The following PGC variants were observed in gnomAD, a reference collection of about 807,000 sequenced individuals.
The protein encoded by PGC is gastricsin.
A neutral mutation model predicts 45.9 loss-of-function variants in PGC; 31 were observed. The ratio of observed to expected loss-of-function variants is 0.67; its 90% CI spans 0.51 to 0.91. The LOEUF (loss-of-function observed/expected upper bound fraction) is 0.91. Ranked by LOEUF, PGC falls within the 40% of genes least tolerant of loss-of-function variation. PGC has a pLI of 0.00. For missense variants in PGC, 477 were observed against 493.2 expected, an observed-to-expected ratio of 0.97 and a Z score of 0.31; for synonymous variants, 192 against 201.8, an observed-to-expected ratio of 0.95 and a Z score of 0.41.
intron 4 of PGC, 73 bp downstream of exon 4, chr6:41,743,198 A>T: frequency 1.1e-6 from 1 of 903,832 alleles, no homozygotes; most frequent in Non-Finnish European, 1.9e-6. Context: ...ACCGTGTTTC[A>T]GGAGAGTCCA....
intron 7 of PGC, among the ~76,000 whole-genome samples, chr6:41,739,359 C>A (rs1233206130): frequency 1.3e-5 from 2 of 152,192 alleles, no homozygotes; most frequent in Non-Finnish European, 2.9e-5. Flanking sequence ...CAGCCCCAGT[C>A]GTCCCAGGTC....
In PGC at chr6:41,744,983, CTG is replaced by C. The variant is rs1491020596; in HGVS notation, c.60-177_60-176del. Among the ~76,000 whole-genome samples the C allele has an allele frequency of 3.9e-4, 33 of 83,680 alleles. No individual in the cohort carries two copies. The highest frequency in any genetic ancestry group is 1.4e-3 in the African/African-American group (28 of 20,118). The allele number at this position is 83,680 out of a possible 152,430, so 54.9% of individuals were successfully genotyped here. A position where few individuals can be genotyped will look rare whatever the true frequency, so the allele number is the denominator to read the frequency against. ...TCAGCCTTTTGCTCTCTGTCTCTGT[CTG>C]TCTGTCTCTCTGTGTGTGTGTGTGT... On this transcript the variant is annotated intron_variant, in intron 1 of 8. Transcript: ENST00000373025. The surrounding 1 kb of genome is among the most constrained non-coding windows in gnomAD (Gnocchi z 4.4).
chr6:41,737,156 G>A (rs1771700691), intron 8 of PGC, 152 bp from the exon 9 acceptor site: 2 of 712,126 alleles, frequency 2.8e-6, no homozygotes, highest in East Asian at 5.5e-5. Context: ...AGCCACCAGA[G>A]CAGAGCGGGT....
chr6:41,738,986 A>G (rs1581950931), intron 7 of PGC, among the ~76,000 whole-genome samples: 1 of 152,186 alleles, frequency 6.6e-6, no homozygotes, highest in Admixed American at 6.5e-5. Flanking sequence ...AAAACAAAAA[A>G]AAAAGAAAAA....
At chr6:41,739,572 C>T (rs572259128) in intron 7 of PGC, among the ~76,000 whole-genome samples, 7 of 152,306 alleles carry the variant, frequency 4.6e-5, no homozygotes, top group African/African-American at 1.4e-4. Flanking sequence ...GCGCATGCCA[C>T]CGCACCCAGC....
chr6:41,740,448 T>A (rs1771800405), intron 6 of PGC, 43 bp downstream of exon 6: 2 of 1,577,532 alleles, frequency 1.3e-6, no homozygotes. Context: ...GGAAGCCCAC[T>A]CCAAGGAAGT....
chr6:41,743,382 G>A lies in PGC; in HGVS notation c.336C>T (p.His112=). Residue 112 remains histidine (H), a synonymous_variant, in exon 4 of 9, where the codon CAC becomes CAT. Transcript: ENST00000373025. Reference sequence around the variant, plus strand: ...ACGACTCGCTGGGGTTGAAGCGGGAGTGACTGGCTGCAGGGGAGTCAGGGC... The same window carrying A: ...ACGACTCGCTGGGGTTGAAGCGGGAATGACTGGCTGCAGGGGAGTCAGGGC... ...VYCQSQACTS[H]SRFNPSESST... The A allele has an allele frequency of 6.2e-7, 1 of 1,609,706 alleles. No homozygotes were observed. The highest frequency in any genetic ancestry group is 8.5e-7 in the Non-Finnish European group (1 of 1,176,000).
At chr6:41,743,533 G>C (rs1771871944) in intron 3 of PGC, 144 bp from the exon 4 acceptor site, 1 of 669,082 alleles carries the variant, frequency 1.5e-6, no homozygotes, top group African/African-American at 1.8e-5. Flanking sequence ...CCAAGTCAAG[G>C]GGTGGCATTG....
Position 41,742,356 on chromosome 6 carries a change from G to C in PGC, c.581C>G (p.Thr194Arg), listed in dbSNP as rs1214355787. The C allele has an allele frequency of 6.2e-7, 1 of 1,614,210 alleles. No individual in the cohort carries two copies. ...YPALSVDEAT[T>R]AMQGMVQEGA... ...CTCCTGCACCATGCCCTGCATAGCT[G>C]TGGTGGCCTCATCCACGGACAGAGC... The change falls in exon 5 of 9, where the codon ACA becomes AGA. Residue 194 changes from threonine to arginine, a missense_variant. By Grantham distance (71) the Thr-to-Arg change is moderately conservative. Transcript: ENST00000373025.
Position 41,742,389 on chromosome 6 carries a change from G to A in PGC, c.548C>T (p.Ala183Val). 1 of 1,614,096 alleles carries A rather than the reference G, an allele frequency of 6.2e-7. No individual in the cohort carries two copies. Among genetic ancestry groups the A allele is most frequent in the Non-Finnish European group, 8.5e-7 (1 of 1,179,982 alleles). Reference protein sequence around the residue: ...YAQFDGIMGLAYPALSVDEAT... With the variant: ...YAQFDGIMGLVYPALSVDEAT... ...CTCATCCACGGACAGAGCAGGGTAG[G>A]CCAGGCCCATGATGCCATCAAACTG... Residue 183 changes from alanine (A) to valine (V), a missense_variant, in exon 5 of 9, where the codon GCC becomes GTC. Coordinates refer to ENST00000373025, the MANE Select transcript of PGC (RefSeq NM_002630.4).
chr6:41,738,178 A>ATATATATATG (rs1259246086), intron 7 of PGC, among the ~76,000 whole-genome samples: 4 of 27,586 alleles, frequency 1.5e-4, no homozygotes, highest in South Asian at 1.0e-3. Flanking sequence ...ATATATATAT[A>ATATATATATG]CATATATATA....
intron 5 of PGC, chr6:41,741,139 G>T: frequency 6.5e-7 from 1 of 1,537,166 alleles, no homozygotes; most frequent in Non-Finnish European, 8.7e-7. Flanking sequence ...TTGGAGACAG[G>T]TAGGGTCTTG....
At position 41,742,298 on chromosome 6, in the gene PGC, G is replaced by A; in HGVS notation, c.639C>T (p.Tyr213=). Residue 213 remains tyrosine (Y), a synonymous_variant, in exon 5 of 9, where the codon TAC becomes TAT. Coordinates refer to ENST00000373025, the MANE Select transcript of PGC (RefSeq NM_002630.4). The part of the protein sequence containing the change: ...GALTSPVFSV[Y]LSNQQGSSGG... Reference sequence around the variant, plus strand: ...GCCAGCTGGTTGCTCACTTGCTGAGGTAGACGCTGAAGACGGGGCTGGTGA... The same window carrying A: ...GCCAGCTGGTTGCTCACTTGCTGAGATAGACGCTGAAGACGGGGCTGGTGA... 1 of 1,613,804 alleles carries A rather than the reference G, an allele frequency of 6.2e-7. No individual in the cohort carries two copies. Among genetic ancestry groups the A allele is most frequent in the African/African-American group, 1.3e-5 (1 of 75,062 alleles).
intron 8 of PGC, 107 bp from the exon 9 acceptor site, chr6:41,737,111 C>T: frequency 8.7e-7 from 1 of 1,148,344 alleles, no homozygotes; most frequent in Non-Finnish European, 1.2e-6. Context: ...CTGAGGGAGC[C>T]AGGGTCTCTG....
chr6:41,743,758 C>G (rs982750157), intron 3 of PGC, among the ~76,000 whole-genome samples: 2 of 152,150 alleles, frequency 1.3e-5, no homozygotes, highest in African/African-American at 2.4e-5. Flanking sequence ...TCCCAGCATT[C>G]CCCCCAGCCC....
chr6:41,739,137 G>C (rs1356247089), intron 7 of PGC, among the ~76,000 whole-genome samples: 2 of 152,210 alleles, frequency 1.3e-5, no homozygotes, highest in African/African-American at 4.8e-5. Context: ...GGTGAGAGAG[G>C]TGGGGATAAA....
intron 5 of PGC, chr6:41,741,181 C>T (rs1323936497): frequency 6.5e-7 from 1 of 1,532,280 alleles, no homozygotes; most frequent in Middle Eastern, 1.7e-4. Context: ...CATGTTTGTT[C>T]CAGAGGCTTC....
intron 4 of PGC, 150 bp downstream of exon 4, chr6:41,743,121 G>T (rs562676855): frequency 2.9e-6 from 2 of 692,568 alleles, no homozygotes; most frequent in Non-Finnish European, 5.3e-6. Flanking sequence ...GTGAGTGTTG[G>T]GGGAGTGACT....
chr6:41,744,411 T>G lies in PGC; in HGVS notation c.314A>C (p.Gln105Pro). 6.2e-7 allele frequency: 1 copy of G among 1,610,946 alleles called. No homozygotes were observed. Among genetic ancestry groups the G allele is most frequent in the Non-Finnish European group, 8.5e-7 (1 of 1,178,448 alleles). The part of the protein sequence containing the change: ...SNLWVPSVYC[Q>P]SQACTSHSRF... ...CCAGCACTCACTGCAGGCCTGGCTCTGGCAGTAGACAGAGGGCACCCACAA... is the reference window on the plus strand; with the variant it reads ...CCAGCACTCACTGCAGGCCTGGCTCGGGCAGTAGACAGAGGGCACCCACAA... Residue 105 changes from glutamine (Q) to proline (P), a missense_variant, in exon 3 of 9, where the codon CAG becomes CCG. Coordinates refer to ENST00000373025, the MANE Select transcript of PGC (RefSeq NM_002630.4). This position sits in a 1 kb window ranked among gnomAD's most constrained non-coding sequence, Gnocchi z 4.4.
Sources: allele counts gnomAD v4.1 joint callset (sites outside exome capture counted in the v4.1 genomes callset), GRCh38; gene constraint gnomAD v4.1.1; non-coding constraint Gnocchi (gnomAD v3.1); transcripts MANE v1.5; gene names NCBI Gene and HGNC (gene_info 2026-07-23, HGNC 2026-07-21).